FAF1: variants seen among roughly 807,000 people sequenced by gnomAD.
FAF1 encodes FAS-associated factor 1.
A neutral mutation model predicts 92.5 loss-of-function variants in FAF1; 25 were observed. That is an observed-to-expected ratio of 0.27 (90% confidence interval 0.20 to 0.38). FAF1 has a LOEUF of 0.38. Among genes scored for constraint, FAF1 ranks in the 10% least tolerant of loss-of-function variants. The pLI is 1.00. For missense variants in FAF1, 636 were observed against 793.3 expected, an observed-to-expected ratio of 0.80 and a Z score of 2.38; for synonymous variants, 234 against 273.2, an observed-to-expected ratio of 0.86 and a Z score of 1.42.
intron 2 of FAF1, among the ~76,000 whole-genome samples, chr1:50,831,631 G>A (rs895199733): frequency 1.3e-5 from 2 of 152,152 alleles, no homozygotes. Flanking sequence ...CTAATTGCTA[G>A]TAGCTTCCTA....
intron 7 of FAF1, among the ~76,000 whole-genome samples, chr1:50,686,505 G>A (rs575077881): frequency 1.3e-3 from 198 of 151,570 alleles, no homozygotes; most frequent in African/African-American, 4.7e-3. Context: ...TTGCACCATT[G>A]CGCTCCAGGC....
intron 3 of FAF1, among the ~76,000 whole-genome samples, chr1:50,792,425 C>G (rs1273521459): frequency 2.0e-5 from 3 of 152,158 alleles, no homozygotes; most frequent in East Asian, 1.9e-4. Context: ...CCTGGGTGAA[C>G]AGCTCCTTCT....
At chr1:50,743,281 G>A (rs1659457794) in intron 5 of FAF1, among the ~76,000 whole-genome samples, 1 of 152,128 alleles carries the variant, frequency 6.6e-6, no homozygotes, top group Non-Finnish European at 1.5e-5. Context: ...AGCCATTCAC[G>A]AAGAAGAACT....
intron 8 of FAF1, among the ~76,000 whole-genome samples, chr1:50,648,758 C>T (rs1654710935): frequency 6.6e-6 from 1 of 152,106 alleles, no homozygotes; most frequent in South Asian, 2.1e-4. Flanking sequence ...GAAGCCCCAG[C>T]TCTACTAAAA....
At position 50,765,955 on chromosome 1, in the gene FAF1, G is replaced by A. The variant is rs575909635; in HGVS notation, c.368-21180C>T. Among the ~76,000 whole-genome samples the A allele has an allele frequency of 2.2e-3, 342 of 152,246 alleles. 2 individuals are homozygous for A. The highest frequency in any genetic ancestry group is 7.7e-3 in the African/African-American group (318 of 41,544). ...AAAACACAAAAAATTAGCTGGGCGT[G>A]GTAGCGGGTGCCTGTAATCCCAGCT... is the stretch of plus-strand genomic sequence containing the variant. On this transcript the variant is annotated intron_variant, in intron 4 of 18. Transcript: ENST00000396153.
At chr1:50,890,524 G>A (rs528746922) in intron 1 of FAF1, among the ~76,000 whole-genome samples, 1 of 152,278 alleles carries the variant, frequency 6.6e-6, no homozygotes, top group African/African-American at 2.4e-5. Context: ...CATGTTTAAT[G>A]CTTCCTTCAG....
At chr1:50,537,314 C>T (rs1648535411) in intron 14 of FAF1, among the ~76,000 whole-genome samples, 1 of 152,168 alleles carries the variant, frequency 6.6e-6, no homozygotes, top group African/African-American at 2.4e-5. Context: ...TGGAAGGCTC[C>T]ATTGCCAAAC....
At chr1:50,545,566 C>T (rs1648971566) in intron 13 of FAF1, among the ~76,000 whole-genome samples, 1 of 151,182 alleles carries the variant, frequency 6.6e-6, no homozygotes, top group Non-Finnish European at 1.5e-5. Flanking sequence ...CCACCATGCC[C>T]ACCTAAAGCT....
chr1:50,511,901 T>C (rs1265759453), intron 15 of FAF1, among the ~76,000 whole-genome samples: 2 of 152,138 alleles, frequency 1.3e-5, no homozygotes, highest in Non-Finnish European at 2.9e-5. Flanking sequence ...TCCTCTGTAG[T>C]ATCTATTGTT....
intron 1 of FAF1, among the ~76,000 whole-genome samples, chr1:50,958,031 T>C (rs1021178931): frequency 2.6e-5 from 4 of 152,162 alleles, no homozygotes; most frequent in Admixed American, 2.6e-4. Context: ...TGTTGGAGCT[T>C]ACACCTGTAT....
intron 8 of FAF1, among the ~76,000 whole-genome samples, chr1:50,640,741 A>G (rs1028487429): frequency 1.2e-4 from 18 of 151,480 alleles, no homozygotes; most frequent in African/African-American, 4.4e-4. Context: ...ATGATTTGTA[A>G]TGATGTCCTC....
chr1:50,827,029 T>C (rs1350811072), intron 2 of FAF1, among the ~76,000 whole-genome samples: 1 of 150,342 alleles, frequency 6.7e-6, no homozygotes, highest in Non-Finnish European at 1.5e-5. Flanking sequence ...GGCCGCCCCG[T>C]CTGGGAGGTG....
intron 4 of FAF1, among the ~76,000 whole-genome samples, chr1:50,786,798 T>G (rs1661380833): frequency 6.6e-6 from 1 of 152,166 alleles, no homozygotes; most frequent in Non-Finnish European, 1.5e-5. Flanking sequence ...GAAATGCAGG[T>G]AGGGGCTTGA....
At chr1:50,716,236 A>G (rs1183850215) in intron 6 of FAF1, among the ~76,000 whole-genome samples, 1 of 152,304 alleles carries the variant, frequency 6.6e-6, no homozygotes, top group Admixed American at 6.5e-5. Context: ...TTGAACCAAT[A>G]ATAATCACAG....
intron 3 of FAF1, among the ~76,000 whole-genome samples, chr1:50,798,082 A>C (rs1001935700): frequency 4.6e-5 from 7 of 152,110 alleles, no homozygotes; most frequent in Non-Finnish European, 7.4e-5. Flanking sequence ...AAAAAAAAAA[A>C]AAAACTCCGC....
chr1:50,526,805 A>G (rs906144653), intron 15 of FAF1, among the ~76,000 whole-genome samples: 2 of 151,912 alleles, frequency 1.3e-5, no homozygotes, highest in African/African-American at 4.8e-5. Context: ...CTAGCAGCCA[A>G]TGAGGGTTCA....
intron 7 of FAF1, among the ~76,000 whole-genome samples, chr1:50,683,371 A>G: frequency 6.6e-6 from 1 of 152,038 alleles, no homozygotes; most frequent in Non-Finnish European, 1.5e-5. Flanking sequence ...TACTAAAAAT[A>G]CAAAAATTAG....
intron 2 of FAF1, among the ~76,000 whole-genome samples, chr1:50,827,646 A>G (rs1053343096): frequency 1.3e-5 from 2 of 152,266 alleles, no homozygotes; most frequent in Admixed American, 6.5e-5. Flanking sequence ...AAATAAATAA[A>G]TAAATAAATA....
chr1:50,759,766 C>T (rs1660247495), intron 4 of FAF1, among the ~76,000 whole-genome samples: 1 of 152,156 alleles, frequency 6.6e-6, no homozygotes, highest in Admixed American at 6.5e-5. Flanking sequence ...ACAGTCACAC[C>T]AACAGTGTAA....
Sources: gnomAD v4.1 joint callset for allele counts (sites outside exome capture counted in the v4.1 genomes callset) on GRCh38, gnomAD v4.1.1 for gene constraint, MANE v1.5 for transcripts, NCBI Gene and HGNC (gene_info 2026-07-23, HGNC 2026-07-21) for gene names.